CCDC73: variants seen among roughly 807,000 people sequenced by gnomAD.
CCDC73 encodes the protein coiled-coil domain containing 73, also known as coiled-coil domain-containing protein 73.
CCDC73 carries 95 observed loss-of-function variants against 116.5 expected under a neutral mutation model. The observed-to-expected ratio is 0.82, with a 90% confidence interval of 0.69 to 0.97. The LOEUF (loss-of-function observed/expected upper bound fraction) is 0.97, where lower values mean the gene tolerates loss of function less well. Ranked by LOEUF, CCDC73 falls within the 50% of genes least tolerant of loss-of-function variation. The probability of loss-of-function intolerance (pLI) is 0.00; values close to 1 mark genes in which losing one functional copy is unlikely to be tolerated. For missense variants in CCDC73, 1,066 were observed against 1,206.8 expected (o/e 0.88, Z 1.73); for synonymous variants, 398 against 401.3 (o/e 0.99, Z 0.10).
intron 14 of CCDC73, among the ~76,000 whole-genome samples, chr11:32,633,024 A>G (rs1333713718): frequency 6.6e-6 from 1 of 152,184 alleles, no homozygotes; most frequent in Non-Finnish European, 1.5e-5. Flanking sequence ...TAAACATGGG[A>G]GAGAAATGAA....
intron 2 of CCDC73, among the ~76,000 whole-genome samples, chr11:32,739,627 C>T (rs1449171136): frequency 2.0e-5 from 3 of 152,122 alleles, no homozygotes; most frequent in Non-Finnish European, 4.4e-5. Context: ...AATAGAAGAT[C>T]ATATCATCTG....
intron 9 of CCDC73, among the ~76,000 whole-genome samples, chr11:32,666,324 C>T (rs1398063985): frequency 6.6e-6 from 1 of 152,218 alleles, no homozygotes; most frequent in African/African-American, 2.4e-5. Flanking sequence ...GGTCTTTTCA[C>T]ATAGTCCCAT....
At chr11:32,651,906 A>T (rs1353684718) in intron 12 of CCDC73, among the ~76,000 whole-genome samples, 2 of 152,002 alleles carry the variant, frequency 1.3e-5, no homozygotes, top group Non-Finnish European at 2.9e-5. Context: ...CATATCCCCA[A>T]CCCCTTTTCT....
Position 32,614,046 on chromosome 11 carries a change from T to C in CCDC73, c.2272A>G (p.Ser758Gly). ...TATCCCAAACAGTTATTAAATTGAC[T>C]GTTTTGCATATCACTCATATTTTTA... ...MCKNMSDMQN[S>G]QFNNCLGYLE... Residue 758 changes from serine (S) to glycine (G), a missense_variant, in exon 16 of 18, where the codon AGT (serine) becomes GGT (glycine). Transcript: ENST00000335185. The C allele has an allele frequency of 6.2e-7, 1 of 1,612,880 alleles. No individual in the cohort carries two copies.
Position 32,675,576 on chromosome 11 carries a change from T to C in CCDC73, c.634A>G (p.Ser212Gly), listed in dbSNP as rs1174588921. The stretch of plus-strand genomic sequence containing the variant: ...TGTATCAATCATACCTTCTTTAAAC[T>C]GCATATTTCAGCTTCTTGTTTTTTA... ...LNKKQEAEIC[S>G]LKKELKKAAS... Residue 212 changes from serine to glycine, a missense_variant, in exon 9 of 18, where the codon AGT (serine) becomes GGT (glycine). Transcript: ENST00000335185. 12 of 1,574,214 alleles carry C rather than the reference T, an allele frequency of 7.6e-6. No homozygotes were observed. Among genetic ancestry groups the C allele is most frequent in the Non-Finnish European group, 1.0e-5 (12 of 1,157,620 alleles).
intron 1 of CCDC73, among the ~76,000 whole-genome samples, chr11:32,793,680 G>A (rs1216861946): frequency 2.0e-5 from 3 of 151,904 alleles, no homozygotes; most frequent in African/African-American, 7.3e-5. Flanking sequence ...GAGTGATCTA[G>A]GCTCACTGCA....
chr11:32,764,637 C>A (rs1157082632), intron 1 of CCDC73, among the ~76,000 whole-genome samples: 2 of 152,142 alleles, frequency 1.3e-5, no homozygotes, highest in Non-Finnish European at 2.9e-5. Flanking sequence ...AAGGAACAAC[C>A]AGTACCAGCC....
At chr11:32,693,521 C>T (rs779566693) in intron 6 of CCDC73, among the ~76,000 whole-genome samples, 1 of 152,076 alleles carries the variant, frequency 6.6e-6, no homozygotes, top group Non-Finnish European at 1.5e-5. Context: ...ATTTCTTTTG[C>T]TTTGAAAATA....
At position 32,786,547 on chromosome 11, in the gene CCDC73, G is replaced by A. The variant is rs958259428; in HGVS notation, c.-16+8066C>T. The stretch of plus-strand genomic sequence containing the variant: ...TTATTAAAATATATTTTAAAATAAG[G>A]CCAATATAATATTATAAAATGCTTA... On this transcript the variant is annotated intron_variant, in intron 1 of 17. Coordinates refer to ENST00000335185, the MANE Select transcript of CCDC73 (RefSeq NM_001008391.4). Among the ~76,000 whole-genome samples the A allele has an allele frequency of 6.2e-5, 9 of 145,582 alleles. No homozygotes were observed. The Admixed American group carries it at 6.2e-4, about 10-fold the overall frequency.
chr11:32,822,227 G>C, the CCDC73 span, among the ~76,000 whole-genome samples: 1 of 152,228 alleles, frequency 6.6e-6, no homozygotes, highest in Middle Eastern at 3.4e-3. Flanking sequence ...AGCTTGTTGA[G>C]ACGTTAAAAA....
chr11:32,669,479 TTTAG>T (rs1260094769), intron 9 of CCDC73, among the ~76,000 whole-genome samples: 16 of 152,184 alleles, frequency 1.1e-4, no homozygotes, highest in African/African-American at 3.4e-4. Context: ...CCAATTACTA[TTTAG>T]TTATTTTTAA....
intron 10 of CCDC73, 40 bp from the exon 11 acceptor site, chr11:32,654,077 T>G: frequency 1.3e-6 from 2 of 1,538,780 alleles, no homozygotes; most frequent in Non-Finnish European, 1.8e-6. Context: ...GATATAAAAT[T>G]CAGCAAATTC....
intron 1 of CCDC73, among the ~76,000 whole-genome samples, chr11:32,777,099 CTT>C (rs759122829): frequency 3.7e-5 from 4 of 106,806 alleles, no homozygotes; most frequent in Admixed American, 9.7e-5. Context: ...TTTTTTCTTT[CTT>C]TTTTTTTTTT....
intron 2 of CCDC73, among the ~76,000 whole-genome samples, chr11:32,750,842 T>A (rs1325544502): frequency 1.3e-5 from 2 of 152,122 alleles, no homozygotes; most frequent in African/African-American, 4.8e-5. Flanking sequence ...CAAGAAAAGT[T>A]CCCTTTATTC....
chr11:32,782,762 T>C (rs931500826), intron 1 of CCDC73, among the ~76,000 whole-genome samples: 1 of 152,146 alleles, frequency 6.6e-6, no homozygotes, highest in African/African-American at 2.4e-5. Flanking sequence ...GAGATGAGTG[T>C]ATATTACATT....
the CCDC73 span, among the ~76,000 whole-genome samples, chr11:32,820,235 C>A: frequency 7.2e-5 from 11 of 152,070 alleles, no homozygotes; most frequent in African/African-American, 2.7e-4. Context: ...CTCACTGCAG[C>A]CTCGATCTCC....
At chr11:32,762,992 C>T (rs1234095598) in intron 1 of CCDC73, among the ~76,000 whole-genome samples, 5 of 152,178 alleles carry the variant, frequency 3.3e-5, no homozygotes, top group East Asian at 1.9e-4. Flanking sequence ...CATGGAGCCT[C>T]GCTCATTTCT....
rs759280522 is a variant in CCDC73, at chr11:32,613,969, A to G, written c.2349T>C (p.Asn783=). 1 of 1,610,952 alleles carries G rather than the reference A, an allele frequency of 6.2e-7. No homozygotes were observed. The highest frequency in any genetic ancestry group is 8.5e-7 in the Non-Finnish European group (1 of 1,179,856). Residue 783 remains asparagine, a synonymous_variant, in exon 16 of 18, where the codon AAT becomes AAC. Coordinates refer to ENST00000335185, the MANE Select transcript of CCDC73 (RefSeq NM_001008391.4). The part of the protein sequence containing the change: ...NISHLHLNNE[N]SHASQAKDVK... ...CATCTTTGGCTTGTGAAGCATGACTATTCTCATTGTTAAGATGAAGATGGG... is the reference window on the plus strand; with the variant it reads ...CATCTTTGGCTTGTGAAGCATGACTGTTCTCATTGTTAAGATGAAGATGGG...
chr11:32,684,074 C>T (rs1053080431), intron 6 of CCDC73, among the ~76,000 whole-genome samples: 1 of 151,370 alleles, frequency 6.6e-6, no homozygotes, highest in Non-Finnish European at 1.5e-5. Flanking sequence ...TTTTAAGATA[C>T]AGTCACACTG....
Sources: allele counts gnomAD v4.1 joint callset (sites outside exome capture counted in the v4.1 genomes callset), GRCh38; gene constraint gnomAD v4.1.1; transcripts MANE v1.5; gene names NCBI Gene and HGNC (gene_info 2026-07-23, HGNC 2026-07-21).